Variants in PRKCB observed in about 807,000 individuals in gnomAD.
The protein encoded by PRKCB is protein kinase C beta.
PRKCB carries 13 observed loss-of-function variants against 81.5 expected under a neutral mutation model. That is an observed-to-expected ratio of 0.16 (90% CI 0.10 to 0.25). The LOEUF (loss-of-function observed/expected upper bound fraction) is 0.25, where lower values mean the gene tolerates loss of function less well. PRKCB is among the 10% of genes least tolerant of loss of function. The pLI, the probability that PRKCB is intolerant of heterozygous loss-of-function variation, is 1.00. For missense variants in PRKCB, 509 were observed against 875.7 expected (o/e 0.58, Z 5.29); for synonymous variants, 335 against 321.4 (o/e 1.04, Z -0.45).
intron 7 of PRKCB, among the ~76,000 whole-genome samples, chr16:24,096,871 G>GAATTGTC (rs1401878318): frequency 6.6e-6 from 1 of 151,012 alleles, no homozygotes; most frequent in Non-Finnish European, 1.5e-5. Context: ...TCTCATATCT[G>GAATTGTC]AATTGTCTCA....
At chr16:23,977,996 A>G (rs1390780984) in intron 2 of PRKCB, among the ~76,000 whole-genome samples, 1 of 152,152 alleles carries the variant, frequency 6.6e-6, no homozygotes, top group African/African-American at 2.4e-5. Flanking sequence ...AGGCACGTGA[A>G]TCTGATCTCA....
At chr16:24,030,479 G>T (rs1425690733) in intron 3 of PRKCB, among the ~76,000 whole-genome samples, 1 of 151,980 alleles carries the variant, frequency 6.6e-6, no homozygotes, top group Non-Finnish European at 1.5e-5. Flanking sequence ...TGTGCCAGGT[G>T]GTTCTAAGAC....
chr16:24,185,155 A>G lies in PRKCB; in HGVS notation c.1578A>G (p.Ala526=). 7 of 1,614,134 alleles carry G rather than the reference A, an allele frequency of 4.3e-6. No homozygotes were observed. Among genetic ancestry groups the G allele is most frequent in the Non-Finnish European group, 5.9e-6 (7 of 1,179,984 alleles). ...QPYGKSVDWW[A]FGVLLYEMLA... ...ATGGGAAGTCCGTGGATTGGTGGGC[A>G]TTTGGAGTCCTGCTGTATGAAATGT... Residue 526 remains alanine (A), a synonymous_variant, in exon 14 of 17, where the codon GCA becomes GCG. Coordinates refer to ENST00000643927, the MANE Select transcript of PRKCB (RefSeq NM_002738.7).
At position 24,180,945 on chromosome 16, in the gene PRKCB, A is replaced by G. The variant is rs529430820; in HGVS notation, c.1533+17A>G. 6.2e-7 allele frequency: 1 copy of G among 1,612,886 alleles called. No homozygotes were observed. The highest frequency in any genetic ancestry group is 2.2e-5 in the East Asian group (1 of 44,876). On this transcript the variant is annotated intron_variant, in intron 13 of 16. Transcript: ENST00000643927. Reference sequence around the variant, plus strand: ...GCCCCCGAGGTGAGAGCTGCTGGGCACACGTTCACATTGCGGTGATGTACC... The same window carrying G: ...GCCCCCGAGGTGAGAGCTGCTGGGCGCACGTTCACATTGCGGTGATGTACC...
intron 5 of PRKCB, among the ~76,000 whole-genome samples, chr16:24,079,385 C>T (rs528230238): frequency 1.3e-5 from 2 of 152,306 alleles, no homozygotes; most frequent in South Asian, 2.1e-4. Context: ...GGGGCACCCG[C>T]GTTGTGTCTA....
intron 7 of PRKCB, among the ~76,000 whole-genome samples, chr16:24,109,006 ACGGGGCGGCTGGCCGGG>A (rs1426166454): frequency 2.1e-5 from 3 of 141,746 alleles, no homozygotes; most frequent in Non-Finnish European, 3.1e-5. Context: ...TCCCTCCCGG[ACGGGGCGGCTGGCCGGG>A]CGGGGGGCTG....
At chr16:24,006,717 G>A (rs561504460) in intron 3 of PRKCB, among the ~76,000 whole-genome samples, 8 of 152,186 alleles carry the variant, frequency 5.3e-5, no homozygotes, top group Admixed American at 2.0e-4. Flanking sequence ...TTATCTGGCC[G>A]AGCTCAAGTT....
At chr16:23,875,352 T>C (rs953473399) in intron 2 of PRKCB, among the ~76,000 whole-genome samples, 1 of 151,826 alleles carries the variant, frequency 6.6e-6, no homozygotes, top group Non-Finnish European at 1.5e-5. Flanking sequence ...CTGTGTCTTA[T>C]GATAAAAAAA....
At chr16:23,936,287 T>C (rs1964056590) in intron 2 of PRKCB, among the ~76,000 whole-genome samples, 1 of 152,116 alleles carries the variant, frequency 6.6e-6, no homozygotes, top group South Asian at 2.1e-4. Context: ...CCTCAGTGAC[T>C]GGCAGAAGCT....
At position 24,032,030 on chromosome 16, in the gene PRKCB, GACCA is replaced by G. The variant is rs757412434; in HGVS notation, c.289-104_289-101del. 6.6e-5 allele frequency: 49 copies of G among 739,290 alleles called. No individual in the cohort carries two copies. In the Middle Eastern group the frequency reaches 1.1e-3, roughly 16 times the overall value. The allele number at this position is 739,290 out of a possible 1,614,324, so 45.8% of individuals were successfully genotyped here. ...CCCAACAGGTACAATGACCTCTGGG[GACCA>G]AGTTCAGTTCTTGGTGAGTTCTCCA... On this transcript the variant is annotated intron_variant, in intron 3 of 16. Coordinates refer to ENST00000643927, the MANE Select transcript of PRKCB (RefSeq NM_002738.7).
chr16:24,003,195 A>T (rs941646273), intron 3 of PRKCB, among the ~76,000 whole-genome samples: 14 of 152,074 alleles, frequency 9.2e-5, no homozygotes, highest in Non-Finnish European at 1.9e-4. Flanking sequence ...CAGTCCTTTC[A>T]TTGAACCTTT....
Position 24,217,072 on chromosome 16 carries a change from A to G in PRKCB, c.*2256A>G, listed in dbSNP as rs41309270. The G allele has an allele frequency of 0.066, 64,695 of 985,038 alleles. 2,306 individuals carry two copies. Among genetic ancestry groups the G allele is most frequent in the Non-Finnish European group, 0.072 (59,644 of 829,820 alleles). 61.0% of individuals were successfully genotyped at this position (985,038 alleles called of 1,614,324 possible). A position where few individuals can be genotyped will look rare whatever the true frequency, so the allele number is the denominator to read the frequency against. The stretch of plus-strand genomic sequence containing the variant: ...CTGAGACAACTTTAGAAAACAATGT[A>G]GGATGAATGGAAAGAGAAAGAAAGG... On this transcript the variant is annotated 3_prime_UTR_variant, in exon 17 of 17. Coordinates refer to ENST00000643927, the MANE Select transcript of PRKCB (RefSeq NM_002738.7).
chr16:24,060,615 G>C (rs988809267), intron 5 of PRKCB, among the ~76,000 whole-genome samples: 1 of 152,194 alleles, frequency 6.6e-6, no homozygotes, highest in African/African-American at 2.4e-5. Context: ...TATTTCCGTA[G>C]GATTTGCCCT....
At chr16:23,926,637 G>T (rs901088895) in intron 2 of PRKCB, among the ~76,000 whole-genome samples, 3 of 150,416 alleles carry the variant, frequency 2.0e-5, no homozygotes, top group African/African-American at 7.3e-5. Flanking sequence ...GGTGGTATGT[G>T]TGTCTATATA....
rs543522396 is a variant in PRKCB at position 24,161,326 on chromosome 16, A to G, written c.1239+6469A>G. ...ACAGCACGGTGTTAACAGAAAATGT[A>G]GGATATTAAATCCTATTTAAGATAT... On this transcript the variant is annotated intron_variant, in intron 10 of 16. Transcript: ENST00000643927. 1.2e-4 allele frequency among the ~76,000 whole-genome samples: 19 copies of G among 152,364 alleles called. No individual in the cohort carries two copies. In the East Asian group the frequency reaches 3.7e-3, roughly 29 times the overall value.
intron 2 of PRKCB, among the ~76,000 whole-genome samples, chr16:23,872,418 G>A (rs927847317): frequency 6.6e-6 from 1 of 152,210 alleles, no homozygotes; most frequent in African/African-American, 2.4e-5. Flanking sequence ...CTACTCGGGG[G>A]GCTGTGGTGG....
chr16:24,079,810 G>A lies in PRKCB; in HGVS notation c.530-12981G>A, dbSNP rs182739617. 2.4e-3 allele frequency among the ~76,000 whole-genome samples: 360 copies of A among 152,300 alleles called. 3 individuals carry two copies. Among genetic ancestry groups the A allele is most frequent in the Non-Finnish European group, 4.5e-3 (303 of 68,036 alleles). The stretch of plus-strand genomic sequence containing the variant: ...GATGGTGGGCATTCTTAATTTGATT[G>A]TGGCCTTAATAGATATGCCTCTAGA... On this transcript the variant is annotated intron_variant, in intron 5 of 16. Coordinates refer to ENST00000643927, the MANE Select transcript of PRKCB (RefSeq NM_002738.7).
intron 15 of PRKCB, among the ~76,000 whole-genome samples, chr16:24,188,355 A>G (rs1349633668): frequency 6.6e-6 from 1 of 152,178 alleles, no homozygotes; most frequent in African/African-American, 2.4e-5. Context: ...GGAGGTGATC[A>G]GAGATTGGAA....
At chr16:24,162,368 T>A (rs989020261) in intron 10 of PRKCB, among the ~76,000 whole-genome samples, 4 of 151,876 alleles carry the variant, frequency 2.6e-5, no homozygotes, top group African/African-American at 9.7e-5. Flanking sequence ...AGTGATCAAG[T>A]TGTAAGAAAC....
Sources: allele counts gnomAD v4.1 joint callset (sites outside exome capture counted in the v4.1 genomes callset), GRCh38; gene constraint gnomAD v4.1.1; transcripts MANE v1.5; gene names NCBI Gene and HGNC (gene_info 2026-07-23, HGNC 2026-07-21).